CDK5RAP2: variants seen among roughly 807,000 people sequenced by gnomAD.
The protein encoded by CDK5RAP2 is CDK5 regulatory subunit-associated protein 2.
CDK5RAP2 carries 147 observed loss-of-function variants against 232.9 expected under a neutral mutation model. The observed-to-expected ratio is 0.63, with a 90% CI of 0.55 to 0.72. The LOEUF (loss-of-function observed/expected upper bound fraction) is 0.72, where lower values mean the gene tolerates loss of function less well. Among genes scored for constraint, CDK5RAP2 ranks in the 30% least tolerant of loss-of-function variants. The pLI, the probability that CDK5RAP2 is intolerant of heterozygous loss-of-function variation, is 0.00. For missense variants in CDK5RAP2, 2,195 were observed against 2,231.5 expected (o/e 0.98, Z 0.33); for synonymous variants, 833 against 833.7 (o/e 1.00, Z 0.01).
At position 120,536,383 on chromosome 9, in the gene CDK5RAP2, A is replaced by G. The variant is rs1285139718; in HGVS notation, c.651T>C (p.Asp217=). The G allele has an allele frequency of 3.7e-6, 6 of 1,613,944 alleles. No individual in the cohort carries two copies. The Admixed American group carries it at 8.3e-5, about 22-fold the overall frequency. ...EGDLAMALVL[D]EKDRLIEELK... is the part of the protein sequence containing the mutation. ...GACAAGAGCCAGACCTGTCTTTCTC[A>G]TCCAGGACCAGAGCCATCGCCAAGT... is the stretch of plus-strand genomic sequence containing the variant. The change falls in exon 7 of 38, where the codon GAT becomes GAC. Residue 217 remains aspartate (D), a synonymous_variant. Coordinates refer to ENST00000349780, the MANE Select transcript of CDK5RAP2 (RefSeq NM_018249.6).
chr9:120,437,664 T>A (rs1010259449), intron 24 of CDK5RAP2, 137 bp from the exon 25 acceptor site: 3 of 682,142 alleles, frequency 4.4e-6, no homozygotes, highest in Non-Finnish European at 7.7e-6. Flanking sequence ...TTTAGAAAAA[T>A]TGAAACTGTA....
chr9:120,545,003 TTGC>T (rs1263963199), intron 5 of CDK5RAP2, among the ~76,000 whole-genome samples: 3 of 152,256 alleles, frequency 2.0e-5, no homozygotes, highest in Non-Finnish European at 4.4e-5. Flanking sequence ...CTGACTGTAT[TTGC>T]TGAACTGTGC....
chr9:120,518,676 C>A, intron 11 of CDK5RAP2, 31 bp from the exon 12 acceptor site: 1 of 1,567,622 alleles, frequency 6.4e-7, no homozygotes. Context: ...GCAAGATGAG[C>A]TAATTTTCAT....
At chr9:120,405,241 C>T (rs1489285058) in intron 32 of CDK5RAP2, among the ~76,000 whole-genome samples, 2 of 152,218 alleles carry the variant, frequency 1.3e-5, no homozygotes, top group Non-Finnish European at 2.9e-5. Flanking sequence ...AAATACAGAC[C>T]TGAGAAGTCT....
chr9:120,502,775 C>G (rs1348349217), intron 12 of CDK5RAP2, among the ~76,000 whole-genome samples: 1 of 152,122 alleles, frequency 6.6e-6, no homozygotes, highest in East Asian at 1.9e-4. Flanking sequence ...GGTCGGGGGT[C>G]AGGTAGAAGG....
At chr9:120,511,321 C>G (rs1233262555) in intron 12 of CDK5RAP2, among the ~76,000 whole-genome samples, 5 of 152,170 alleles carry the variant, frequency 3.3e-5, no homozygotes, top group African/African-American at 1.2e-4. Flanking sequence ...GGATTTAGGT[C>G]AGGGCTCATC....
chr9:120,403,505 T>C lies in CDK5RAP2; in HGVS notation c.5042-434A>G, dbSNP rs961864553. 1.1e-5 allele frequency: 3 copies of C among 278,106 alleles called. No homozygotes were observed. Among genetic ancestry groups the C allele is most frequent in the Non-Finnish European group, 1.4e-5 (2 of 143,954 alleles). 17.2% of individuals were successfully genotyped at this position (278,106 alleles called of 1,614,324 possible). ...GAAGGCTTCTGAGAAGGAGCAGCAT[T>C]TGAACTGGATTGAGCAAGTAGCAAG... On this transcript the variant is annotated intron_variant, in intron 33 of 37. Transcript: ENST00000349780. This position sits in a 1 kb window ranked among gnomAD's most constrained non-coding sequence, Gnocchi z 4.2.
At chr9:120,425,100 G>A (rs1245883863) in intron 25 of CDK5RAP2, among the ~76,000 whole-genome samples, 2 of 152,058 alleles carry the variant, frequency 1.3e-5, no homozygotes, top group Non-Finnish European at 2.9e-5. Context: ...CCAGATCTTA[G>A]ACCCATCAAA....
In CDK5RAP2 at chr9:120,439,419, G is replaced by C; in HGVS notation, c.3702C>G (p.Phe1234Leu). 2 of 1,614,056 alleles carry C rather than the reference G, an allele frequency of 1.2e-6. No individual in the cohort carries two copies. The highest frequency in any genetic ancestry group is 1.7e-6 in the Non-Finnish European group (2 of 1,179,938). ...CGTACCTGGGAGGTGAGAGATCTCTGAACTTATTCTGCAGATTATGGATCT... is the reference window on the plus strand; with the variant it reads ...CGTACCTGGGAGGTGAGAGATCTCTCAACTTATTCTGCAGATTATGGATCT... ...FSEIHNLQNK[F>L]RDLSPPRYDS... Residue 1234 changes from phenylalanine (F) to leucine (L), a missense_variant, in exon 24 of 38, where the codon TTC (phenylalanine) becomes TTG (leucine). Phe to Leu is a conservative substitution (Grantham distance 22). Coordinates refer to ENST00000349780, the MANE Select transcript of CDK5RAP2 (RefSeq NM_018249.6).
intron 3 of CDK5RAP2, 26 bp from the exon 4 acceptor site, chr9:120,550,928 C>A: frequency 7.7e-7 from 1 of 1,290,954 alleles, no homozygotes. Flanking sequence ...GAAGGGTCAT[C>A]AAAAGCAAAC....
chr9:120,463,095 G>A (rs1410321386), intron 18 of CDK5RAP2, among the ~76,000 whole-genome samples: 1 of 152,106 alleles, frequency 6.6e-6, no homozygotes, highest in Non-Finnish European at 1.5e-5. Flanking sequence ...AACAGGGCCA[G>A]GCACGGTGGC....
intron 23 of CDK5RAP2, among the ~76,000 whole-genome samples, chr9:120,442,453 C>T (rs984144436): frequency 2.0e-5 from 3 of 152,170 alleles, no homozygotes; most frequent in Non-Finnish European, 4.4e-5. Context: ...ACACGCAGCA[C>T]CCAGCCTCAG....
intron 25 of CDK5RAP2, among the ~76,000 whole-genome samples, chr9:120,427,731 GTT>G (rs2035005705): frequency 6.6e-6 from 1 of 152,166 alleles, no homozygotes; most frequent in Admixed American, 6.5e-5. Flanking sequence ...AAAAATAATG[GTT>G]TGAACGGAAT....
chr9:120,447,792 T>C, intron 22 of CDK5RAP2, 103 bp downstream of exon 22: 1 of 871,272 alleles, frequency 1.1e-6, no homozygotes, highest in Non-Finnish European at 2.0e-6. Context: ...ATGAAATTTA[T>C]ACTCAAACTT....
In CDK5RAP2 at chr9:120,574,371, T is replaced by C. The variant is rs1161632677; in HGVS notation, c.60-2330A>G. On this transcript the variant is annotated intron_variant, in intron 1 of 37. Transcript: ENST00000349780. ...ATAATTAAGGCTGGGGCCTCAGGGA[T>C]ACTCACGAGAAATGACAATGTAAGC... Among the ~76,000 whole-genome samples, 7 of 152,216 alleles carry C rather than the reference T, an allele frequency of 4.6e-5. No homozygotes were observed. In the East Asian group the frequency reaches 1.2e-3, roughly 25 times the overall value.
At chr9:120,515,689 C>A (rs184904819) in intron 12 of CDK5RAP2, among the ~76,000 whole-genome samples, 2 of 152,222 alleles carry the variant, frequency 1.3e-5, no homozygotes, top group Middle Eastern at 3.4e-3. Flanking sequence ...GGTGCCAACC[C>A]CATCAAAAAG....
At chr9:120,551,232 T>C (rs2042030589) in intron 3 of CDK5RAP2, among the ~76,000 whole-genome samples, 1 of 152,068 alleles carries the variant, frequency 6.6e-6, no homozygotes, top group African/African-American at 2.4e-5. Flanking sequence ...AGTTAATAAA[T>C]GTAGAATACA....
chr9:120,528,070 C>T (rs2040986137), intron 9 of CDK5RAP2, 145 bp from the exon 10 acceptor site: 2 of 1,161,750 alleles, frequency 1.7e-6, no homozygotes, highest in Middle Eastern at 2.3e-4. Context: ...TGGAGCTGAA[C>T]ATAGTGCCAT....
chr9:120,408,523 T>G (rs200590405), intron 30 of CDK5RAP2, 55 bp from the exon 31 acceptor site: 6 of 1,607,542 alleles, frequency 3.7e-6, no homozygotes, highest in Non-Finnish European at 2.6e-6. Flanking sequence ...TCAGGGTAAC[T>G]TATTCAAACC....
Sources: allele counts gnomAD v4.1 joint callset (sites outside exome capture counted in the v4.1 genomes callset), GRCh38; gene constraint gnomAD v4.1.1; non-coding constraint Gnocchi (gnomAD v3.1); transcripts MANE v1.5; gene names NCBI Gene and HGNC (gene_info 2026-07-23, HGNC 2026-07-21).